Variants in ZC4H2 observed in about 807,000 individuals in gnomAD.
ZC4H2 encodes zinc finger C4H2 domain-containing protein.
For missense variants in ZC4H2, 137 were observed against 173.9 expected (o/e 0.79, Z 1.19); for synonymous variants, 84 against 66.3 (o/e 1.27, Z -1.30).
At chrX:64,934,189 C>A (rs1370031934) in intron 1 of ZC4H2, among the ~76,000 whole-genome samples, 1 of 112,239 alleles carries the variant, frequency 8.9e-6, no homozygotes, top group Non-Finnish European at 1.9e-5. Flanking sequence ...TCTGCTAGGA[C>A]TGTGGCTTCC....
At chrX:64,951,422 G>A in intron 1 of ZC4H2, among the ~76,000 whole-genome samples, 1 of 111,809 alleles carries the variant, frequency 8.9e-6, no homozygotes, top group East Asian at 2.8e-4. Context: ...CACCAACAGT[G>A]TAAAAGTGTT....
intron 1 of ZC4H2, among the ~76,000 whole-genome samples, chrX:64,998,657 T>C (rs1190987021): frequency 9.0e-6 from 1 of 111,712 alleles, no homozygotes; most frequent in Admixed American, 9.5e-5. Context: ...CTCTATATCC[T>C]TACTTATCTT....
intron 1 of ZC4H2, among the ~76,000 whole-genome samples, chrX:64,945,505 C>T (rs772134724): frequency 9.0e-6 from 1 of 111,465 alleles, no homozygotes; most frequent in African/African-American, 3.3e-5. Flanking sequence ...CTCCTGTATG[C>T]GGTGTCTGTT....
intron 1 of ZC4H2, among the ~76,000 whole-genome samples, chrX:64,952,276 C>A (rs748335257): frequency 1.8e-5 from 2 of 109,419 alleles, no homozygotes; most frequent in Non-Finnish European, 3.8e-5. Context: ...ATTGACTTGG[C>A]AATGCAGGCT....
intron 1 of ZC4H2, among the ~76,000 whole-genome samples, chrX:65,010,190 C>T (rs951658939): frequency 1.8e-5 from 2 of 112,057 alleles, no homozygotes; most frequent in African/African-American, 6.5e-5. Context: ...TTTCTCTTCC[C>T]TCTGGTTCTG....
chrX:65,026,318 GGGAAAAGAATAAGCA>G (rs1308684528), intron 1 of ZC4H2, among the ~76,000 whole-genome samples: 1 of 112,025 alleles, frequency 8.9e-6, no homozygotes, highest in East Asian at 2.8e-4. Context: ...TTCAGGCAAA[GGGAAAAGAATAAGCA>G]AAGATGCAGA....
intron 1 of ZC4H2, among the ~76,000 whole-genome samples, chrX:64,945,579 C>A (rs1930490918): frequency 8.9e-6 from 1 of 111,747 alleles, no homozygotes; most frequent in Non-Finnish European, 1.9e-5. Flanking sequence ...CTTGACAAGG[C>A]AGTCCATCCC....
chrX:64,976,696 G>A (rs773433698), upstream of ZC4H2, among the ~76,000 whole-genome samples: 2 of 112,043 alleles, frequency 1.8e-5, no homozygotes, highest in East Asian at 2.8e-4. Context: ...CGTCTGGCCC[G>A]TGTGTGGGAA....
chrX:65,015,578 A>G (rs1271393708), intron 1 of ZC4H2, among the ~76,000 whole-genome samples: 2 of 111,788 alleles, frequency 1.8e-5, no homozygotes, highest in Non-Finnish European at 3.8e-5. Flanking sequence ...CTCTCATTCC[A>G]TGATATGTGA....
chrX:65,014,707 T>C (rs1932786104), intron 1 of ZC4H2, among the ~76,000 whole-genome samples: 1 of 112,117 alleles, frequency 8.9e-6, no homozygotes, highest in Admixed American at 9.5e-5. Context: ...GATATATTTA[T>C]AAAGTGTGTA....
At chrX:64,936,755 C>A (rs1251366644) in intron 1 of ZC4H2, among the ~76,000 whole-genome samples, 1 of 111,861 alleles carries the variant, frequency 8.9e-6, no homozygotes, top group Admixed American at 9.5e-5. Flanking sequence ...GCCTGCCTTA[C>A]AAGACCTCCT....
At chrX:64,944,370 C>A (rs1043560008) in intron 1 of ZC4H2, among the ~76,000 whole-genome samples, 1 of 109,322 alleles carries the variant, frequency 9.1e-6, no homozygotes. Flanking sequence ...GTCTCAATCT[C>A]AAAATTTTTT....
intron 1 of ZC4H2, among the ~76,000 whole-genome samples, chrX:64,951,239 A>G (rs1446093420): frequency 8.9e-6 from 1 of 112,242 alleles, no homozygotes; most frequent in Non-Finnish European, 1.9e-5. Context: ...CAAGTCTGCT[A>G]TTGTGAATAG....
At chrX:64,922,537 G>C (rs902139670) in intron 1 of ZC4H2, among the ~76,000 whole-genome samples, 3 of 112,080 alleles carry the variant, frequency 2.7e-5, no homozygotes, top group Non-Finnish European at 5.6e-5. Flanking sequence ...CAAATATGGA[G>C]TGTTTTGGCT....
chrX:64,950,573 T>G (rs1196775010), intron 1 of ZC4H2, among the ~76,000 whole-genome samples: 3 of 111,173 alleles, frequency 2.7e-5, no homozygotes, highest in Admixed American at 1.9e-4. Flanking sequence ...TAGCTCTTCT[T>G]GTTGAATTGA....
chrX:65,015,259 G>A (rs1602455779), intron 1 of ZC4H2, among the ~76,000 whole-genome samples: 1 of 111,950 alleles, frequency 8.9e-6, no homozygotes. Flanking sequence ...ATTGGCCCTT[G>A]AAGCACCTAC....
chrX:64,939,611 C>T (rs1371009639), intron 1 of ZC4H2, among the ~76,000 whole-genome samples: 1 of 111,055 alleles, frequency 9.0e-6, no homozygotes, highest in Non-Finnish European at 1.9e-5. Flanking sequence ...AGAACAGAGG[C>T]CTCGGAAATA....
intron 1 of ZC4H2, among the ~76,000 whole-genome samples, chrX:64,939,428 G>GA (rs757448121): frequency 9.0e-5 from 10 of 111,617 alleles, no homozygotes; most frequent in East Asian, 2.8e-4. Flanking sequence ...CACAGAATTG[G>GA]AAAAAAACTA....
intron 1 of ZC4H2, among the ~76,000 whole-genome samples, chrX:64,928,859 CCTT>C (rs1266459645): frequency 1.0e-5 from 1 of 99,018 alleles, no homozygotes; most frequent in African/African-American, 3.8e-5. Flanking sequence ...TCCTCCTTCT[CCTT>C]CTTCTCCTTC....
Sources: gnomAD v4.1 joint callset for allele counts (sites outside exome capture counted in the v4.1 genomes callset) on GRCh38, gnomAD v4.1.1 for gene constraint, MANE v1.5 for transcripts, NCBI Gene and HGNC (gene_info 2026-07-23, HGNC 2026-07-21) for gene names.